Variants in TLE2 observed in about 807,000 individuals in gnomAD.
The protein encoded by TLE2 is TLE family member 2, transcriptional corepressor.
TLE2 carries 74 observed loss-of-function variants against 97.2 expected under a neutral mutation model. The observed-to-expected ratio is 0.76, with a 90% CI of 0.63 to 0.92. The LOEUF (loss-of-function observed/expected upper bound fraction) is 0.92, where lower values mean the gene tolerates loss of function less well. Ranked by LOEUF, TLE2 falls within the 40% of genes least tolerant of loss-of-function variation. The pLI is 0.00. For missense variants in TLE2, 1,038 were observed against 1,008.7 expected (o/e 1.03, Z -0.39); for synonymous variants, 499 against 432.1 (o/e 1.15, Z -1.92).
chr19:3,001,746 A>C (rs2089364808), intron 18 of TLE2, among the ~76,000 whole-genome samples: 1 of 150,418 alleles, frequency 6.6e-6, no homozygotes, highest in South Asian at 2.1e-4. Context: ...AGTAGCTGAA[A>C]CTACACACAT....
chr19:3,001,063 A>G (rs2089347389), intron 18 of TLE2, among the ~76,000 whole-genome samples: 1 of 151,922 alleles, frequency 6.6e-6, no homozygotes, highest in East Asian at 1.9e-4. Flanking sequence ...ACTTGAGGTC[A>G]GGAGTTTGAG....
chr19:3,042,896 C>T (rs934826033), intron 1 of TLE2, among the ~76,000 whole-genome samples: 2 of 152,084 alleles, frequency 1.3e-5, no homozygotes, highest in African/African-American at 4.8e-5. Flanking sequence ...AGACATTACC[C>T]AGGAGAGAAA....
chr19:3,005,172 G>A (rs2089446305), intron 17 of TLE2, among the ~76,000 whole-genome samples: 2 of 152,168 alleles, frequency 1.3e-5, no homozygotes, highest in African/African-American at 4.8e-5. Flanking sequence ...TAAGGGTATG[G>A]CTGGACAAAA....
rs183737547 is a variant in TLE2, at chr19:3,002,655, C to G, written c.1897-152G>C. Among the ~76,000 whole-genome samples the G allele has an allele frequency of 8.5e-5, 13 of 152,066 alleles. No homozygotes were observed. In the East Asian group the frequency reaches 2.5e-3, roughly 29 times the overall value. On this transcript the variant is annotated intron_variant, in intron 17 of 19. Transcript: ENST00000262953. ...CAGGGCTCAAGAGATCCTCCTGCCT[C>G]AGCACCAGAAGCTGAGACTACAGGC...
intron 19 of TLE2, 36 bp from the exon 20 acceptor site, chr19:2,997,991 A>G: frequency 6.6e-7 from 1 of 1,507,288 alleles, no homozygotes; most frequent in East Asian, 2.3e-5. Flanking sequence ...GGGCACAGTG[A>G]GGCATGGTCC....
chr19:3,017,731 C>T (rs982200023), intron 8 of TLE2, 109 bp downstream of exon 8: 42 of 1,039,164 alleles, frequency 4.0e-5, no homozygotes, highest in South Asian at 1.7e-4. Flanking sequence ...GGATCAAAGG[C>T]GTGAGCCACC....
chr19:3,041,367 C>T (rs531576901), intron 1 of TLE2, among the ~76,000 whole-genome samples: 178 of 152,270 alleles, frequency 1.2e-3, no homozygotes, highest in African/African-American at 4.2e-3. Context: ...TTGATATACA[C>T]ACCATGGCCC....
chr19:3,033,713 C>T (rs868640004), upstream of TLE2, among the ~76,000 whole-genome samples: 7 of 152,214 alleles, frequency 4.6e-5, no homozygotes, highest in South Asian at 6.2e-4. Flanking sequence ...GCTCTCCTGT[C>T]CGGGCGGCCC....
At chr19:3,039,622 C>T (rs1030272884) in intron 1 of TLE2, among the ~76,000 whole-genome samples, 9 of 152,194 alleles carry the variant, frequency 5.9e-5, no homozygotes, top group Non-Finnish European at 8.8e-5. Flanking sequence ...CACATACTAT[C>T]TGCTCCCTCC....
At position 3,019,770 on chromosome 19, in the gene TLE2, G is replaced by A. The variant is rs1480070575; in HGVS notation, c.298C>T (p.Gln100Ter). Reference sequence around the variant, plus strand: ...TCTACGGCCTGGAGCACCTGCTGCTGATGCTGGCGGGTGGAAGGGATCAGG... The same window carrying A: ...TCTACGGCCTGGAGCACCTGCTGCTAATGCTGGCGGGTGGAAGGGATCAGG... ...QIIPFLTQEH[Q>*]QQVLQAVERA... Residue 100 changes from glutamine to a stop codon, truncating the protein, a stop_gained, in exon 6 of 20, where the codon CAG becomes TAG. Transcript: ENST00000262953. LOFTEE classifies it high-confidence loss of function. The surrounding 1 kb of genome is among the most constrained non-coding windows in gnomAD (Gnocchi z 5.1). 6.2e-7 allele frequency: 1 copy of A among 1,612,556 alleles called. No homozygotes were observed. The highest frequency in any genetic ancestry group is 1.7e-5 in the Admixed American group (1 of 59,832).
chr19:3,020,104 G>A (rs1017221563), intron 5 of TLE2: 2 of 304,908 alleles, frequency 6.6e-6, no homozygotes, highest in East Asian at 7.7e-5. Flanking sequence ...CCAACATGGT[G>A]AAACACCTGT....
At chr19:3,025,560 G>A (rs2089928739) in intron 4 of TLE2, 2 of 987,474 alleles carry the variant, frequency 2.0e-6, no homozygotes, top group Non-Finnish European at 2.4e-6. Context: ...TCTACCAGCT[G>A]GGGATGCCTC....
chr19:3,030,369 C>T (rs2090013479), upstream of TLE2, among the ~76,000 whole-genome samples: 1 of 152,216 alleles, frequency 6.6e-6, no homozygotes. Flanking sequence ...TTCAGGCCCA[C>T]CCGGGGAGTG....
chr19:3,036,153 G>A (rs529124756), intron 1 of TLE2, among the ~76,000 whole-genome samples: 1 of 152,334 alleles, frequency 6.6e-6, no homozygotes, highest in African/African-American at 2.4e-5. Context: ...CCCAGGTGGG[G>A]GGGATGGGCC....
chr19:3,010,179 C>T (rs1207259037), intron 12 of TLE2, among the ~76,000 whole-genome samples: 1 of 151,922 alleles, frequency 6.6e-6, no homozygotes, highest in Non-Finnish European at 1.5e-5. Flanking sequence ...GCCTGACCAA[C>T]ATGGTGAAAC....
chr19:3,031,679 G>A (rs1309340969), upstream of TLE2, among the ~76,000 whole-genome samples: 1 of 151,994 alleles, frequency 6.6e-6, no homozygotes, highest in Non-Finnish European at 1.5e-5. Flanking sequence ...CACTCACTCT[G>A]CCCAAGTCAC....
chr19:3,030,170 T>C (rs1688128), upstream of TLE2, among the ~76,000 whole-genome samples: 77,910 of 151,958 alleles, frequency 0.51, 20,595 homozygotes, highest in African/African-American at 0.65. Context: ...CTTCCACAGA[T>C]GGGAATTGTG....
upstream of TLE2, among the ~76,000 whole-genome samples, chr19:3,033,224 G>A (rs1013525311): frequency 2.6e-5 from 4 of 151,900 alleles, no homozygotes; most frequent in Admixed American, 6.6e-5. Flanking sequence ...CTGGAGTGCA[G>A]TGGTGCCATC....
rs2090084152 is a variant in TLE2, at chr19:3,039,377, C to T, written c.63+6349G>A. On this transcript the variant is annotated intron_variant, in intron 1 of 18. Coordinates refer to the TLE2 transcript ENST00000426948. ...TCGCCTCCCTCCTCTCACCTCCTCC[C>T]ACTTCTCCCCCTCTGTTCCAGCCAC... Among the ~76,000 whole-genome samples the T allele has an allele frequency of 2.0e-5, 3 of 152,118 alleles. No homozygotes were observed. The South Asian group carries it at 6.2e-4, about 32-fold the overall frequency.
Sources: gnomAD v4.1 joint callset for allele counts (sites outside exome capture counted in the v4.1 genomes callset) on GRCh38, gnomAD v4.1.1 for gene constraint, Gnocchi (gnomAD v3.1) non-coding constraint, MANE v1.5 for transcripts, NCBI Gene and HGNC (gene_info 2026-07-23, HGNC 2026-07-21) for gene names.